Variants in BICDL1 observed in about 807,000 individuals in gnomAD.
BICDL1 encodes the protein BICD family like cargo adaptor 1.
BICDL1 carries 20 observed loss-of-function variants against 76.8 expected under a neutral mutation model. The observed-to-expected ratio is 0.26, with a 90% CI of 0.18 to 0.38. The LOEUF (loss-of-function observed/expected upper bound fraction) is 0.38. BICDL1 is among the 10% of genes least tolerant of loss of function. The pLI, the probability that BICDL1 is intolerant of heterozygous loss-of-function variation, is 1.00. For synonymous variants in BICDL1, 383 were observed against 337.1 expected, an observed-to-expected ratio of 1.14 and a Z score of -1.49; for missense variants, 700 against 798.6, an observed-to-expected ratio of 0.88 and a Z score of 1.49.
intron 7 of BICDL1, among the ~76,000 whole-genome samples, chr12:120,077,074 T>G (rs539268905): frequency 1.5e-4 from 23 of 152,370 alleles, no homozygotes; most frequent in African/African-American, 5.0e-4. Context: ...GCTCCTGGAC[T>G]GGGCTCAAAC....
At chr12:120,059,859 C>T (rs978280667) in intron 2 of BICDL1, among the ~76,000 whole-genome samples, 5 of 151,690 alleles carry the variant, frequency 3.3e-5, no homozygotes, top group Non-Finnish European at 5.9e-5. Flanking sequence ...ACTGCAGGCA[C>T]ATACCACCAT....
Position 120,064,846 on chromosome 12 carries a change from C to G in BICDL1, c.876C>G (p.Ile292Met). ...TVEELQDRVL[I>M]LERQGHDKDL... is the part of the protein sequence containing the mutation. ...AGGAGCTACAGGACCGGGTGCTAAT[C>G]CTGGAGAGGCAGGGCCATGACAAGG... Residue 292 changes from isoleucine (I) to methionine (M), a missense_variant, in exon 4 of 10, where the codon ATC (isoleucine) becomes ATG (methionine). Around this residue, in one of 3 missense-constraint regions of BICDL1, gnomAD observed 455 missense variants for 548.7 expected, o/e 0.83. Coordinates refer to ENST00000548673, the MANE Select transcript of BICDL1 (RefSeq NM_001367886.1). 1 of 1,612,904 alleles carries G rather than the reference C, an allele frequency of 6.2e-7. No homozygotes were observed. Among genetic ancestry groups the G allele is most frequent in the East Asian group, 2.2e-5 (1 of 44,748 alleles).
intron 2 of BICDL1, among the ~76,000 whole-genome samples, chr12:120,015,747 C>CA (rs1952047976): frequency 1.3e-5 from 2 of 152,102 alleles, no homozygotes; most frequent in Non-Finnish European, 2.9e-5. Flanking sequence ...TTGAACCCAC[C>CA]CAGAGAATTA....
intron 2 of BICDL1, among the ~76,000 whole-genome samples, chr12:120,033,694 C>A (rs965013905): frequency 7.9e-5 from 12 of 151,912 alleles, no homozygotes; most frequent in Non-Finnish European, 1.6e-4. Context: ...GCTGAGAGTT[C>A]TTGCTTTTAA....
Position 120,080,952 on chromosome 12 carries a change from T to C in BICDL1, c.1518T>C (p.Ser506=). The C allele has an allele frequency of 5.6e-6, 9 of 1,613,872 alleles. No homozygotes were observed. Among genetic ancestry groups the C allele is most frequent in the African/African-American group, 1.3e-5 (1 of 74,958 alleles). ...KEERDRLRVT[S]EDKEPKEQLQ... ...AGAGAGACCGACTCAGAGTCACTTC[T>C]GAGGACAAGGAGCCAAAGGAGCAGC... is the stretch of plus-strand genomic sequence containing the variant. Residue 506 remains serine, a synonymous_variant, in exon 8 of 10, where the codon TCT becomes TCC. Coordinates refer to ENST00000548673, the MANE Select transcript of BICDL1 (RefSeq NM_001367886.1).
rs1875213345 is a variant in BICDL1, at chr12:120,094,084, C to T, written c.*923C>T. 2.4e-6 allele frequency: 1 copy of T among 411,312 alleles called. No homozygotes were observed. The highest frequency in any genetic ancestry group is 4.9e-6 in the Non-Finnish European group (1 of 204,956). The allele number at this position is 411,312 out of a possible 1,614,324, so 25.5% of individuals were successfully genotyped here. On this transcript the variant is annotated 3_prime_UTR_variant, in exon 10 of 10. Transcript: ENST00000548673. The stretch of plus-strand genomic sequence containing the variant: ...CCCCACCTTGAGGGCAGCACAGGCA[C>T]CACGGGGTGGAGGGGAGGGGGAGGC...
In BICDL1 at chr12:120,022,424, T is replaced by A. The variant is rs562260527; in HGVS notation, c.645+23688T>A. Among the ~76,000 whole-genome samples the A allele has an allele frequency of 3.5e-4, 52 of 146,868 alleles. No individual in the cohort carries two copies. The East Asian group carries it at 5.1e-3, about 14-fold the overall frequency. On this transcript the variant is annotated intron_variant, in intron 2 of 9. Coordinates refer to ENST00000548673, the MANE Select transcript of BICDL1 (RefSeq NM_001367886.1). ...TAAAAATATATATTTATATATATATTTTTTATATTATATATAATATATGTA... is the reference window on the plus strand; with the variant it reads ...TAAAAATATATATTTATATATATATATTTTATATTATATATAATATATGTA...
intron 2 of BICDL1, among the ~76,000 whole-genome samples, chr12:120,007,698 G>A (rs1257527013): frequency 6.6e-6 from 1 of 152,158 alleles, no homozygotes; most frequent in Non-Finnish European, 1.5e-5. Flanking sequence ...ACAGATCCTT[G>A]TTCTTTAAAC....
At chr12:120,057,830 T>TG (rs1953010824) in intron 2 of BICDL1, among the ~76,000 whole-genome samples, 1 of 135,626 alleles carries the variant, frequency 7.4e-6, no homozygotes, top group African/African-American at 3.0e-5. Context: ...TTTTTTTTTT[T>TG]TTTTTTTTTT....
rs1352241579 is a variant in BICDL1, at chr12:120,031,076, G to A, written c.646-30634G>A. Among the ~76,000 whole-genome samples, 4 of 152,150 alleles carry A rather than the reference G, an allele frequency of 2.6e-5. No individual in the cohort carries two copies. In the East Asian group the frequency reaches 5.8e-4, roughly 22 times the overall value. ...CTACAGGCAAGGCACCAAGGTATAC[G>A]TATTTTTCCCCAACACTTTATTAAA... On this transcript the variant is annotated intron_variant, in intron 2 of 9. Coordinates refer to ENST00000548673, the MANE Select transcript of BICDL1 (RefSeq NM_001367886.1).
At chr12:120,091,990 C>CT in intron 9 of BICDL1, 2 of 985,430 alleles carry the variant, frequency 2.0e-6, no homozygotes, top group Non-Finnish European at 1.2e-6. Context: ...GCCAGAAAAG[C>CT]TTGGGGTCTT....
intron 2 of BICDL1, among the ~76,000 whole-genome samples, chr12:120,032,620 T>A (rs1162071824): frequency 1.3e-5 from 2 of 152,228 alleles, no homozygotes; most frequent in Admixed American, 6.5e-5. Flanking sequence ...GAAGAAAAAT[T>A]AAAAATAGAG....
At chr12:120,023,556 A>G (rs901463749) in intron 2 of BICDL1, among the ~76,000 whole-genome samples, 1 of 152,186 alleles carries the variant, frequency 6.6e-6, no homozygotes, top group Non-Finnish European at 1.5e-5. Flanking sequence ...TGGGAGGCCA[A>G]CCTGGGTGGA....
intron 8 of BICDL1, among the ~76,000 whole-genome samples, chr12:120,087,192 C>T (rs1011928146): frequency 6.6e-6 from 1 of 152,242 alleles, no homozygotes; most frequent in Non-Finnish European, 1.5e-5. Flanking sequence ...TGCTGCCAGC[C>T]AATAGCAGTG....
chr12:119,995,520 G>T (rs543755522), intron 1 of BICDL1, among the ~76,000 whole-genome samples: 3 of 152,294 alleles, frequency 2.0e-5, no homozygotes, highest in African/African-American at 7.2e-5. Context: ...TTTAGAACAC[G>T]AGCCTAATTT....
chr12:120,072,876 G>A (rs1214022202), intron 6 of BICDL1, 147 bp downstream of exon 6: 1 of 758,872 alleles, frequency 1.3e-6, no homozygotes, highest in Non-Finnish European at 2.1e-6. Flanking sequence ...TGGTTGTTTT[G>A]GATTTTGTTT....
chr12:120,047,094 T>G (rs1371785755), intron 2 of BICDL1, among the ~76,000 whole-genome samples: 2 of 152,198 alleles, frequency 1.3e-5, no homozygotes, highest in Non-Finnish European at 2.9e-5. Context: ...TGCTCTAATT[T>G]AGACATTAGT....
chr12:120,063,091 A>G (rs1953140930), intron 3 of BICDL1, among the ~76,000 whole-genome samples: 1 of 152,214 alleles, frequency 6.6e-6, no homozygotes. Flanking sequence ...TACTTTGTGT[A>G]GCTCCGAACT....
At chr12:120,012,729 A>G (rs1951978456) in intron 2 of BICDL1, among the ~76,000 whole-genome samples, 1 of 152,166 alleles carries the variant, frequency 6.6e-6, no homozygotes, top group African/African-American at 2.4e-5. Flanking sequence ...ACAGTCCACC[A>G]CTTAGAACCT....
Sources: allele counts gnomAD v4.1 joint callset (sites outside exome capture counted in the v4.1 genomes callset), GRCh38; gene constraint gnomAD v4.1.1; regional missense constraint gnomAD v4.1.1; transcripts MANE v1.5; gene names NCBI Gene and HGNC (gene_info 2026-07-23, HGNC 2026-07-21).